Variants in SLIT3 observed in about 807,000 individuals in gnomAD.
SLIT3 encodes slit guidance ligand 3.
SLIT3 carries 68 observed loss-of-function variants against 184.0 expected under a neutral mutation model. The ratio of observed to expected loss-of-function variants is 0.37; its 90% CI spans 0.30 to 0.45. SLIT3 has a LOEUF of 0.45. Ranked by LOEUF, SLIT3 falls within the 20% of genes least tolerant of loss-of-function variation. The probability of loss-of-function intolerance (pLI) is 1.00; values close to 1 mark genes in which losing one functional copy is unlikely to be tolerated. For missense variants in SLIT3, 1,707 were observed against 2,026.0 expected (o/e 0.84, Z 3.02); for synonymous variants, 831 against 828.6 (o/e 1.00, Z -0.05).
intron 5 of SLIT3, among the ~76,000 whole-genome samples, chr5:168,870,229 T>G (rs1759464467): frequency 6.6e-6 from 1 of 152,238 alleles, no homozygotes; most frequent in Admixed American, 6.5e-5. Context: ...CACATGAGTC[T>G]CTAATAATTC....
intron 12 of SLIT3, among the ~76,000 whole-genome samples, chr5:168,780,210 T>C (rs1360334723): frequency 6.6e-6 from 1 of 152,232 alleles, no homozygotes; most frequent in Non-Finnish European, 1.5e-5. Flanking sequence ...ACTTCTATGG[T>C]ATTTGTCTGG....
chr5:169,046,617 C>T (rs866016643), intron 4 of SLIT3, among the ~76,000 whole-genome samples: 1 of 152,170 alleles, frequency 6.6e-6, no homozygotes, highest in Non-Finnish European at 1.5e-5. Flanking sequence ...TTTCTCCTTG[C>T]CTTGCACCAA....
chr5:168,671,016 C>A (rs1311815737), intron 34 of SLIT3, among the ~76,000 whole-genome samples, 182 bp downstream of exon 34: 1 of 152,160 alleles, frequency 6.6e-6, no homozygotes, highest in Non-Finnish European at 1.5e-5. Flanking sequence ...CCAAGCAGGT[C>A]TGGCTGCTCA....
At chr5:169,199,038 A>G (rs1763833606) in intron 3 of SLIT3, among the ~76,000 whole-genome samples, 1 of 152,016 alleles carries the variant, frequency 6.6e-6, no homozygotes, top group Admixed American at 6.6e-5. Flanking sequence ...ACATACATAC[A>G]TATACACATG....
chr5:169,196,568 A>G (rs573610184), intron 3 of SLIT3, among the ~76,000 whole-genome samples: 1 of 152,304 alleles, frequency 6.6e-6, no homozygotes, highest in East Asian at 1.9e-4. Flanking sequence ...TGCTCATGGT[A>G]GGTGTCATTA....
At chr5:168,742,800 A>G (rs1763675458) in intron 20 of SLIT3, among the ~76,000 whole-genome samples, 1 of 149,372 alleles carries the variant, frequency 6.7e-6, no homozygotes, top group Admixed American at 6.7e-5. Context: ...AGATAACTGA[A>G]GAAGGCACTG....
At chr5:169,213,412 A>G (rs1233975073) in intron 3 of SLIT3, among the ~76,000 whole-genome samples, 2 of 152,210 alleles carry the variant, frequency 1.3e-5, no homozygotes, top group Non-Finnish European at 2.9e-5. Context: ...CTTTCTTCAC[A>G]GAATTGGAAA....
In SLIT3 at chr5:168,774,359, T is replaced by A. The variant is rs760843320; in HGVS notation, c.1171A>T (p.Ile391Phe). The change falls in exon 13 of 36, where the codon ATC becomes TTC. Residue 391 changes from isoleucine to phenylalanine, a missense_variant. Around this residue, in one of 3 missense-constraint regions of SLIT3, gnomAD observed 1,307 missense variants for 1,511.6 expected, o/e 0.86. Transcript: ENST00000519560. ...LQLLLLNANKINCLRVNTFQD... is the reference protein window; with the variant it reads ...LQLLLLNANKFNCLRVNTFQD... ...AACGTGTTCACCCGCAGGCAGTTGA[T>A]CTTGTTGGCATTGAGGAGGCTGCAA... 2 of 1,613,286 alleles carry A rather than the reference T, an allele frequency of 1.2e-6. No homozygotes were observed. The highest frequency in any genetic ancestry group is 1.7e-6 in the Non-Finnish European group (2 of 1,179,674).
chr5:169,184,952 C>T lies in SLIT3; in HGVS notation c.413+8527G>A, dbSNP rs755247075. 1.3e-5 allele frequency among the ~76,000 whole-genome samples: 2 copies of T among 152,174 alleles called. 1 individual carries two copies. Among genetic ancestry groups the T allele is most frequent in the Admixed American group, 1.3e-4 (2 of 15,280 alleles). On this transcript the variant is annotated intron_variant, in intron 4 of 35. Transcript: ENST00000519560. Reference sequence around the variant, plus strand: ...AAAAATTCTGTAATGCAAGAATCTACAAGGCAATTTAAATGTTGGCTTTGT... The same window carrying T: ...AAAAATTCTGTAATGCAAGAATCTATAAGGCAATTTAAATGTTGGCTTTGT...
At chr5:168,697,526 A>G (rs552817957) in intron 27 of SLIT3, among the ~76,000 whole-genome samples, 2 of 152,346 alleles carry the variant, frequency 1.3e-5, no homozygotes, top group East Asian at 3.9e-4. Flanking sequence ...TTCTCACTCC[A>G]TCTATGAGTG....
chr5:168,972,105 C>T (rs949553243), intron 4 of SLIT3, among the ~76,000 whole-genome samples: 1 of 152,008 alleles, frequency 6.6e-6, no homozygotes, highest in Non-Finnish European at 1.5e-5. Context: ...TGAGCTGAGA[C>T]CTGAAGGGGA....
chr5:169,233,428 G>A (rs964811261), intron 3 of SLIT3, among the ~76,000 whole-genome samples: 43 of 134,492 alleles, frequency 3.2e-4, no homozygotes, highest in Admixed American at 1.0e-3. Context: ...TTGGTGTATT[G>A]ACCTTGTGTC....
chr5:168,940,248 A>G (rs1762288641), intron 4 of SLIT3, among the ~76,000 whole-genome samples: 1 of 152,190 alleles, frequency 6.6e-6, no homozygotes, highest in South Asian at 2.1e-4. Context: ...GCTTAAGAAC[A>G]AGTATACTGA....
intron 23 of SLIT3, among the ~76,000 whole-genome samples, chr5:168,716,715 A>G (rs1302773764): frequency 2.6e-5 from 4 of 151,330 alleles, no homozygotes. Flanking sequence ...ATTTCATCCC[A>G]CTCCTCAATT....
intron 17 of SLIT3, 89 bp from the exon 18 acceptor site, chr5:168,753,187 T>A: frequency 7.1e-7 from 1 of 1,413,506 alleles, no homozygotes; most frequent in Non-Finnish European, 9.7e-7. Context: ...TGTGTATAGG[T>A]GAGATGCTTT....
At chr5:168,690,215 C>T (rs1761864900) in intron 29 of SLIT3, among the ~76,000 whole-genome samples, 1 of 151,876 alleles carries the variant, frequency 6.6e-6, no homozygotes, top group South Asian at 2.1e-4. Flanking sequence ...CAGCTCACTG[C>T]AACCTCCGCC....
chr5:168,750,862 G>C (rs1754672057), intron 18 of SLIT3, among the ~76,000 whole-genome samples: 1 of 152,026 alleles, frequency 6.6e-6, no homozygotes, highest in Admixed American at 6.6e-5. Flanking sequence ...TGTCCTTCGG[G>C]ATCTTATATG....
intron 3 of SLIT3, among the ~76,000 whole-genome samples, chr5:169,196,389 A>G (rs297842): frequency 0.18 from 27,129 of 152,118 alleles, 2,734 homozygotes; most frequent in East Asian, 0.44. Context: ...CCTCAGTTTC[A>G]GATCTGCAAA....
intron 4 of SLIT3, among the ~76,000 whole-genome samples, chr5:169,090,152 A>G (rs1200399420): frequency 6.6e-6 from 1 of 152,188 alleles, no homozygotes; most frequent in Non-Finnish European, 1.5e-5. Context: ...TACAGAGCCC[A>G]GGGGCCTGTC....
Sources: gnomAD v4.1 joint callset for allele counts (sites outside exome capture counted in the v4.1 genomes callset) on GRCh38, gnomAD v4.1.1 for gene constraint, gnomAD v4.1.1 regional missense constraint, MANE v1.5 for transcripts, NCBI Gene and HGNC (gene_info 2026-07-23, HGNC 2026-07-21) for gene names.